Variants in PRR16 observed in about 807,000 individuals in gnomAD.
PRR16 encodes the protein protein Largen.
A neutral mutation model predicts 18.2 loss-of-function variants in PRR16; 6 were observed. That is an observed-to-expected ratio of 0.33 (90% CI 0.18 to 0.65). The LOEUF is 0.65. Ranked by LOEUF, PRR16 falls within the 30% of genes least tolerant of loss-of-function variation. The probability of loss-of-function intolerance (pLI) is 0.74; values close to 1 mark genes in which losing one functional copy is unlikely to be tolerated. For synonymous variants in PRR16, 151 were observed against 147.8 expected (o/e 1.02, Z -0.16); for missense variants, 412 against 376.6 (o/e 1.09, Z -0.78).
At chr5:120,711,905 A>G in the PRR16 span, among the ~76,000 whole-genome samples, 1 of 152,274 alleles carries the variant, frequency 6.6e-6, no homozygotes, top group African/African-American at 2.4e-5. Context: ...TCCCATGGAC[A>G]TTTGAAGTGA....
At chr5:120,479,464 G>C (rs1256325449) in intron 1 of PRR16, among the ~76,000 whole-genome samples, 64 of 151,958 alleles carry the variant, frequency 4.2e-4, no homozygotes, top group Admixed American at 4.2e-3. Flanking sequence ...TTATATACCG[G>C]AATAACCACT....
chr5:120,689,991 G>T (rs1757190791), downstream of PRR16, among the ~76,000 whole-genome samples: 1 of 152,034 alleles, frequency 6.6e-6, no homozygotes, highest in Non-Finnish European at 1.5e-5. Flanking sequence ...TCACTCTTCT[G>T]ATTTGACGTT....
At chr5:120,712,064 C>A in the PRR16 span, among the ~76,000 whole-genome samples, 1 of 152,118 alleles carries the variant, frequency 6.6e-6, no homozygotes, top group Non-Finnish European at 1.5e-5. Context: ...CTGTATATCA[C>A]TAATGACTGG....
the PRR16 span, among the ~76,000 whole-genome samples, chr5:120,725,927 C>T: frequency 6.6e-6 from 1 of 152,016 alleles, no homozygotes; most frequent in South Asian, 2.1e-4. Context: ...CCACTTGCAG[C>T]ATATTATTAA....
intron 1 of PRR16, among the ~76,000 whole-genome samples, chr5:120,593,302 C>T (rs1355218188): frequency 6.6e-6 from 1 of 151,842 alleles, no homozygotes; most frequent in Non-Finnish European, 1.5e-5. Context: ...AGCACAATTA[C>T]AAATGGCAAA....
At chr5:120,570,253 G>A (rs1451580648) in intron 1 of PRR16, among the ~76,000 whole-genome samples, 2 of 152,134 alleles carry the variant, frequency 1.3e-5, no homozygotes, top group African/African-American at 2.4e-5. Flanking sequence ...AGAGAGGATA[G>A]GGTGCATTGA....
intron 1 of PRR16, among the ~76,000 whole-genome samples, chr5:120,622,810 G>C (rs1168562730): frequency 6.6e-6 from 1 of 152,004 alleles, no homozygotes; most frequent in African/African-American, 2.4e-5. Flanking sequence ...GCTACTTCTT[G>C]CACTCTTTAA....
chr5:120,711,289 A>C, the PRR16 span, among the ~76,000 whole-genome samples: 1 of 152,148 alleles, frequency 6.6e-6, no homozygotes, highest in Non-Finnish European at 1.5e-5. Flanking sequence ...CACAACTACA[A>C]TTATTTAATT....
chr5:120,485,756 G>A (rs116703019), intron 1 of PRR16, among the ~76,000 whole-genome samples: 1,890 of 152,062 alleles, frequency 0.012, 40 homozygotes, highest in African/African-American at 0.042. Context: ...CCATCAACCC[G>A]TCATCTAACA....
At chr5:120,741,144 TAGA>T in the PRR16 span, among the ~76,000 whole-genome samples, 6 of 152,018 alleles carry the variant, frequency 3.9e-5, no homozygotes, top group African/African-American at 1.2e-4. Flanking sequence ...TTTATATATA[TAGA>T]AGTACAGTTA....
chr5:120,662,905 A>C (rs1756225990), intron 1 of PRR16, among the ~76,000 whole-genome samples: 1 of 152,142 alleles, frequency 6.6e-6, no homozygotes, highest in African/African-American at 2.4e-5. Context: ...CTTATTGTAG[A>C]ATAAGTACAT....
chr5:120,589,697 T>C (rs2112771236), intron 1 of PRR16, among the ~76,000 whole-genome samples: 1 of 152,178 alleles, frequency 6.6e-6, no homozygotes, highest in South Asian at 2.1e-4. Context: ...CCATCAGATC[T>C]CATAAGACTT....
At chr5:120,685,476 C>T (rs528770152) in intron 1 of PRR16, among the ~76,000 whole-genome samples, 1 of 152,250 alleles carries the variant, frequency 6.6e-6, no homozygotes, top group Non-Finnish European at 1.5e-5. Flanking sequence ...TTGAAACTCT[C>T]AACAGTTGAG....
intron 1 of PRR16, among the ~76,000 whole-genome samples, chr5:120,584,815 G>T (rs1215364826): frequency 1.3e-5 from 2 of 152,076 alleles, no homozygotes; most frequent in African/African-American, 4.8e-5. Context: ...ATGTAGAAGG[G>T]CCTCTGGATG....
intron 1 of PRR16, among the ~76,000 whole-genome samples, chr5:120,654,349 T>C (rs1258149876): frequency 6.6e-6 from 1 of 152,042 alleles, no homozygotes; most frequent in African/African-American, 2.4e-5. Flanking sequence ...TCTACCCCCA[T>C]GTAACCTTTG....
chr5:120,774,315 C>T, the PRR16 span, among the ~76,000 whole-genome samples: 4 of 152,064 alleles, frequency 2.6e-5, no homozygotes, highest in Non-Finnish European at 2.9e-5. Flanking sequence ...CAGGAAAGCT[C>T]AACTATGGCT....
chr5:120,497,689 G>A (rs1389261853), intron 1 of PRR16, among the ~76,000 whole-genome samples: 1 of 151,666 alleles, frequency 6.6e-6, no homozygotes, highest in Non-Finnish European at 1.5e-5. Context: ...GCTCCCGGCT[G>A]AATTGATTCT....
intron 1 of PRR16, among the ~76,000 whole-genome samples, chr5:120,648,586 G>T (rs1755673399): frequency 6.6e-6 from 1 of 151,992 alleles, no homozygotes; most frequent in Non-Finnish European, 1.5e-5. Flanking sequence ...TTAAATGAAT[G>T]ACTATTACAT....
intron 1 of PRR16, among the ~76,000 whole-genome samples, chr5:120,566,472 G>C (rs1479182881): frequency 1.3e-5 from 2 of 152,092 alleles, no homozygotes; most frequent in African/African-American, 4.8e-5. Flanking sequence ...TGAGCTTTAT[G>C]TATATTATTT....
Sources: allele counts gnomAD v4.1 joint callset (sites outside exome capture counted in the v4.1 genomes callset), GRCh38; gene constraint gnomAD v4.1.1; transcripts MANE v1.5; gene names NCBI Gene and HGNC (gene_info 2026-07-23, HGNC 2026-07-21).